The following TMEM135 variants were observed in gnomAD, a reference collection of about 807,000 sequenced individuals.
The protein encoded by TMEM135 is transmembrane protein 135, also known as peroxisomal membrane protein 52.
Under a neutral mutation model 60.3 loss-of-function variants are expected in TMEM135, and 30 were observed. The ratio of observed to expected loss-of-function variants is 0.50; its 90% CI spans 0.37 to 0.68. The LOEUF (loss-of-function observed/expected upper bound fraction) is 0.68, where lower values mean the gene tolerates loss of function less well. TMEM135 is among the 30% of genes least tolerant of loss of function. The pLI is 0.00. For missense variants in TMEM135, 468 were observed against 548.8 expected (o/e 0.85, Z 1.47); for synonymous variants, 190 against 186.7 (o/e 1.02, Z -0.14).
chr11:87,154,523 C>G (rs537929390), intron 4 of TMEM135, among the ~76,000 whole-genome samples: 1 of 152,102 alleles, frequency 6.6e-6, no homozygotes, highest in Admixed American at 6.5e-5. Context: ...TATGATAATT[C>G]GATGTGTAAA....
intron 5 of TMEM135, among the ~76,000 whole-genome samples, chr11:87,172,504 T>A (rs1454017976): frequency 6.6e-6 from 1 of 151,230 alleles, no homozygotes; most frequent in African/African-American, 2.4e-5. Context: ...GGATTTTTTT[T>A]AAACCTTCCA....
chr11:87,174,862 C>T (rs960258834), intron 5 of TMEM135, among the ~76,000 whole-genome samples: 1 of 152,130 alleles, frequency 6.6e-6, no homozygotes, highest in African/African-American at 2.4e-5. Flanking sequence ...CTATCAAGGA[C>T]ATTATGTTCA....
chr11:87,323,832 T>TTATTACTCA lies in TMEM135; in HGVS notation c.*2500_*2501insATTACTCAT, dbSNP rs1942869656. 2 of 453,114 alleles carry TTATTACTCA rather than the reference T, an allele frequency of 4.4e-6. No homozygotes were observed. Among genetic ancestry groups the TTATTACTCA allele is most frequent in the Non-Finnish European group, 4.4e-6 (1 of 226,574 alleles). The allele number at this position is 453,114 out of a possible 1,614,324, so 28.1% of individuals were successfully genotyped here. ...TTTCAGGATCCATTTTATTACTCAT[T>TTATTACTCA]TTTGAAGTAACACCTTTGGTTTAGT... is the stretch of plus-strand genomic sequence containing the variant. On this transcript the variant is annotated 3_prime_UTR_variant, in exon 15 of 15. Coordinates refer to ENST00000305494, the MANE Select transcript of TMEM135 (RefSeq NM_022918.4).
intron 12 of TMEM135, among the ~76,000 whole-genome samples, chr11:87,316,586 G>A (rs1942734132): frequency 6.6e-6 from 1 of 152,006 alleles, no homozygotes; most frequent in East Asian, 1.9e-4. Flanking sequence ...GATGATAGCA[G>A]TAGAGATGGA....
intron 7 of TMEM135, among the ~76,000 whole-genome samples, chr11:87,301,380 A>G (rs571121265): frequency 2.6e-5 from 4 of 152,070 alleles, no homozygotes; most frequent in Non-Finnish European, 5.9e-5. Flanking sequence ...CAGCCTCCCA[A>G]GTAGCTGGGA....
chr11:87,291,839 G>A (rs960523598), intron 6 of TMEM135, among the ~76,000 whole-genome samples: 5 of 151,956 alleles, frequency 3.3e-5, no homozygotes, highest in Admixed American at 1.3e-4. Context: ...CACCGTCCCC[G>A]GCCTCAAGTG....
Position 87,327,216 on chromosome 11 carries a change from A to G in TMEM135, c.*5883A>G. 1 of 454,042 alleles carries G rather than the reference A, an allele frequency of 2.2e-6. No homozygotes were observed. Among genetic ancestry groups the G allele is most frequent in the Non-Finnish European group, 4.4e-6 (1 of 226,790 alleles). The allele number at this position is 454,042 out of a possible 1,614,324, so 28.1% of individuals were successfully genotyped here. ...AAAATCTGGGAAACACTTGGGAAAA[A>G]TCTTCCCTCTCTGCTTAAAGGAAAG... On this transcript the variant is annotated 3_prime_UTR_variant, in exon 15 of 15. Transcript: ENST00000305494.
intron 6 of TMEM135, 45 bp downstream of exon 6, chr11:87,236,729 C>A: frequency 6.5e-7 from 1 of 1,549,252 alleles, no homozygotes; most frequent in Non-Finnish European, 8.9e-7. Context: ...CAAACAGTAT[C>A]TCTTTGTAAT....
At chr11:87,207,934 A>G (rs915437254) in intron 5 of TMEM135, among the ~76,000 whole-genome samples, 1 of 152,200 alleles carries the variant, frequency 6.6e-6, no homozygotes, top group Non-Finnish European at 1.5e-5. Flanking sequence ...TCAGGCTTTT[A>G]GGTTTAGAGT....
intron 6 of TMEM135, among the ~76,000 whole-genome samples, chr11:87,278,190 C>T (rs907100635): frequency 3.9e-5 from 6 of 152,164 alleles, no homozygotes; most frequent in African/African-American, 1.4e-4. Flanking sequence ...TACCTCTATA[C>T]TAAAAAATTC....
chr11:87,269,078 G>A (rs1329835164), intron 6 of TMEM135, among the ~76,000 whole-genome samples: 1 of 137,552 alleles, frequency 7.3e-6, no homozygotes, highest in African/African-American at 2.8e-5. Context: ...TTTTTTTTTT[G>A]AAATACGCAA....
intron 3 of TMEM135, among the ~76,000 whole-genome samples, chr11:87,084,619 T>C (rs1857057713): frequency 6.6e-6 from 1 of 152,210 alleles, no homozygotes; most frequent in Non-Finnish European, 1.5e-5. Flanking sequence ...AATACTTTTT[T>C]TGATAACACC....
At chr11:87,238,150 T>G (rs186624986) in intron 6 of TMEM135, among the ~76,000 whole-genome samples, 21 of 151,984 alleles carry the variant, frequency 1.4e-4, no homozygotes, top group Non-Finnish European at 1.5e-4. Context: ...CTCTTCGATA[T>G]ATTGATTTGC....
At chr11:87,162,141 CTAAT>C (rs1186088300) in intron 5 of TMEM135, among the ~76,000 whole-genome samples, 9 of 151,790 alleles carry the variant, frequency 5.9e-5, no homozygotes, top group South Asian at 2.1e-4. Flanking sequence ...AAATAAATGA[CTAAT>C]TAAAGTGGGG....
chr11:87,057,740 C>T (rs34921835), intron 1 of TMEM135, among the ~76,000 whole-genome samples: 84 of 151,940 alleles, frequency 5.5e-4, no homozygotes, highest in Non-Finnish European at 9.9e-4. Flanking sequence ...AAAATAAAGA[C>T]GTTGGAAGCA....
At chr11:87,201,335 A>T (rs1940090591) in intron 5 of TMEM135, among the ~76,000 whole-genome samples, 1 of 152,142 alleles carries the variant, frequency 6.6e-6, no homozygotes, top group Non-Finnish European at 1.5e-5. Context: ...TTCATGTTCC[A>T]TTTTTTCTGT....
chr11:87,263,848 T>G (rs1941698899), intron 6 of TMEM135, among the ~76,000 whole-genome samples: 1 of 152,082 alleles, frequency 6.6e-6, no homozygotes, highest in East Asian at 1.9e-4. Context: ...TACCATTAAT[T>G]ATTTTAAAAC....
chr11:87,236,824 A>AC (rs1200589316), intron 6 of TMEM135, 140 bp downstream of exon 6: 2 of 760,768 alleles, frequency 2.6e-6, no homozygotes, highest in African/African-American at 3.5e-5. Context: ...CCCAGAGTGG[A>AC]CAGAGGTAAA....
chr11:87,056,214 C>G (rs542699465), intron 1 of TMEM135, among the ~76,000 whole-genome samples: 1 of 152,148 alleles, frequency 6.6e-6, no homozygotes, highest in Admixed American at 6.5e-5. Flanking sequence ...TTTTAGTAAA[C>G]GTTATTAATT....
Sources: allele counts gnomAD v4.1 joint callset (sites outside exome capture counted in the v4.1 genomes callset), GRCh38; gene constraint gnomAD v4.1.1; transcripts MANE v1.5; gene names NCBI Gene and HGNC (gene_info 2026-07-23, HGNC 2026-07-21).